The following ST8SIA5 variants were observed in gnomAD, a reference collection of about 807,000 sequenced individuals.
The protein encoded by ST8SIA5 is alpha-2,8-sialyltransferase 8E.
A neutral mutation model predicts 40.2 loss-of-function variants in ST8SIA5; 24 were observed. That is an observed-to-expected ratio of 0.60 (90% confidence interval 0.43 to 0.84). The LOEUF (loss-of-function observed/expected upper bound fraction) is 0.84, where lower values mean the gene tolerates loss of function less well. Ranked by LOEUF, ST8SIA5 falls within the 40% of genes least tolerant of loss-of-function variation. The probability of loss-of-function intolerance (pLI) is 0.00; values close to 1 mark genes in which losing one functional copy is unlikely to be tolerated. For synonymous variants in ST8SIA5, 198 were observed against 201.8 expected (o/e 0.98, Z 0.16); for missense variants, 465 against 498.5 (o/e 0.93, Z 0.64).
intron 3 of ST8SIA5, among the ~76,000 whole-genome samples, chr18:46,691,252 A>C (rs1228645908): frequency 3.3e-5 from 5 of 152,216 alleles, no homozygotes; most frequent in Non-Finnish European, 7.3e-5. Context: ...TTATCACTTT[A>C]AACATTCGCA....
intron 2 of ST8SIA5, among the ~76,000 whole-genome samples, chr18:46,703,370 G>T (rs1011545537): frequency 2.0e-5 from 3 of 152,202 alleles, no homozygotes; most frequent in East Asian, 1.9e-4. Context: ...GGATGGTCTC[G>T]ATCTCCTGAC....
intron 1 of ST8SIA5, among the ~76,000 whole-genome samples, chr18:46,727,071 A>G (rs1030627179): frequency 4.6e-5 from 7 of 152,214 alleles, no homozygotes; most frequent in Admixed American, 3.9e-4. Context: ...AATTGAACAC[A>G]GCCCTGAACC....
At position 46,672,908 on chromosome 18, in the gene ST8SIA5, C is replaced by T. The variant is rs2039317605; in HGVS notation, c.*7134G>A. ...AACAGTTAATGTCATTTGAGAGCTG[C>T]TTGCACCTAAGTGATTCTAAAAAGT... On this transcript the variant is annotated 3_prime_UTR_variant, in exon 7 of 7. Transcript: ENST00000315087. The T allele has an allele frequency of 6.6e-6, 1 of 152,206 alleles. No individual in the cohort carries two copies. The highest frequency in any genetic ancestry group is 2.4e-5 in the African/African-American group (1 of 41,446). The allele number at this position is 152,206 out of a possible 1,614,324, so 9.4% of individuals were successfully genotyped here. A position where few individuals can be genotyped will look rare whatever the true frequency, so the allele number is the denominator to read the frequency against.
At position 46,677,167 on chromosome 18, in the gene ST8SIA5, C is replaced by G. The variant is rs1252170507; in HGVS notation, c.*2875G>C. Reference sequence around the variant, plus strand: ...GATGACAGCCTCCTAGAGCATTTGTCCCTGGAGGAGGGCCCCGTACTATCC... The same window carrying G: ...GATGACAGCCTCCTAGAGCATTTGTGCCTGGAGGAGGGCCCCGTACTATCC... On this transcript the variant is annotated 3_prime_UTR_variant, in exon 7 of 7. Coordinates refer to ENST00000315087, the MANE Select transcript of ST8SIA5 (RefSeq NM_013305.6). The G allele has an allele frequency of 6.6e-6, 1 of 152,222 alleles. No individual in the cohort carries two copies. Among genetic ancestry groups the G allele is most frequent in the African/African-American group, 2.4e-5 (1 of 41,434 alleles). 9.4% of individuals were successfully genotyped at this position (152,222 alleles called of 1,614,324 possible). A position where few individuals can be genotyped will look rare whatever the true frequency, so the allele number is the denominator to read the frequency against.
chr18:46,693,505 C>T (rs750027719), intron 2 of ST8SIA5, among the ~76,000 whole-genome samples: 1 of 152,236 alleles, frequency 6.6e-6, no homozygotes, highest in African/African-American at 2.4e-5. Context: ...AAAGCACTCT[C>T]AGGAAAGGGA....
At chr18:46,727,335 G>T (rs2039941193) in intron 1 of ST8SIA5, among the ~76,000 whole-genome samples, 1 of 152,088 alleles carries the variant, frequency 6.6e-6, no homozygotes, top group Non-Finnish European at 1.5e-5. Context: ...CAGGTCCCTG[G>T]TTGTGTAACC....
intron 1 of ST8SIA5, among the ~76,000 whole-genome samples, chr18:46,708,913 C>T (rs1328653226): frequency 6.6e-6 from 1 of 152,206 alleles, no homozygotes; most frequent in Non-Finnish European, 1.5e-5. Context: ...AAATCCCAGG[C>T]ACCCTGAAAA....
intron 2 of ST8SIA5, among the ~76,000 whole-genome samples, chr18:46,699,668 C>T (rs1459925899): frequency 6.6e-6 from 1 of 152,198 alleles, no homozygotes; most frequent in South Asian, 2.1e-4. Flanking sequence ...CATGAGCCAC[C>T]GCGCCCAGCC....
At chr18:46,716,906 G>C (rs1044882239) in intron 1 of ST8SIA5, among the ~76,000 whole-genome samples, 18 of 152,240 alleles carry the variant, frequency 1.2e-4, no homozygotes, top group African/African-American at 4.1e-4. Context: ...CTGGAGGGAG[G>C]ACAAGGACCT....
At position 46,728,487 on chromosome 18, in the gene ST8SIA5, A is replaced by G. The variant is rs541390317; in HGVS notation, c.132-23823T>C. Among the ~76,000 whole-genome samples the G allele has an allele frequency of 6.2e-4, 95 of 152,336 alleles. 3 individuals are homozygous for G. The South Asian group carries it at 0.014, about 23-fold the overall frequency. ...CTGGAATCTCCAGGGTGGTTGAACC[A>G]AAAGAGGCTGAATCTATGGGGCACA... On this transcript the variant is annotated intron_variant, in intron 1 of 6. Coordinates refer to ENST00000315087, the MANE Select transcript of ST8SIA5 (RefSeq NM_013305.6).
chr18:46,738,649 C>T (rs1398590783), intron 1 of ST8SIA5, among the ~76,000 whole-genome samples: 2 of 152,146 alleles, frequency 1.3e-5, no homozygotes, highest in African/African-American at 4.8e-5. Context: ...GCAGTCAGAG[C>T]AGCATCCCTT....
At chr18:46,738,894 C>T (rs1399287229) in intron 1 of ST8SIA5, among the ~76,000 whole-genome samples, 1 of 152,162 alleles carries the variant, frequency 6.6e-6, no homozygotes. Flanking sequence ...AAGTCTCAGG[C>T]CTGCACTAGC....
intron 1 of ST8SIA5, among the ~76,000 whole-genome samples, chr18:46,743,394 T>C (rs1480276187): frequency 6.6e-6 from 1 of 152,170 alleles, no homozygotes; most frequent in Non-Finnish European, 1.5e-5. Flanking sequence ...CTGAAAACTA[T>C]GGTACAAGAA....
intron 1 of ST8SIA5, among the ~76,000 whole-genome samples, chr18:46,725,025 AAGGAAGGAAGGAAGGAAGG>A (rs2039901661): frequency 6.7e-6 from 1 of 149,836 alleles, no homozygotes; most frequent in African/African-American, 2.5e-5. Flanking sequence ...GGAAGGAAGG[AAGGAAGGAAGGAAGGAAGG>A]AAGGAAAAGA....
At chr18:46,683,624 C>G (rs561834632) in intron 5 of ST8SIA5, among the ~76,000 whole-genome samples, 1 of 152,076 alleles carries the variant, frequency 6.6e-6, no homozygotes, top group East Asian at 1.9e-4. Flanking sequence ...AATAATTGTG[C>G]AGAAGAACCC....
intron 1 of ST8SIA5, among the ~76,000 whole-genome samples, chr18:46,744,675 G>A (rs2040121365): frequency 6.6e-6 from 1 of 152,086 alleles, no homozygotes; most frequent in Non-Finnish European, 1.5e-5. Flanking sequence ...AGTTTAACAA[G>A]GATATCCAGG....
At chr18:46,701,382 C>T (rs2039614676) in intron 2 of ST8SIA5, among the ~76,000 whole-genome samples, 1 of 151,938 alleles carries the variant, frequency 6.6e-6, no homozygotes, top group Non-Finnish European at 1.5e-5. Flanking sequence ...CTCAGGTGAT[C>T]CACCTGCCTC....
At chr18:46,687,590 C>T (rs980193403) in intron 4 of ST8SIA5, among the ~76,000 whole-genome samples, 1 of 152,172 alleles carries the variant, frequency 6.6e-6, no homozygotes, top group East Asian at 1.9e-4. Context: ...TGGCTCAGCA[C>T]CATCCTCCCT....
intron 1 of ST8SIA5, among the ~76,000 whole-genome samples, chr18:46,735,554 G>A (rs1007165122): frequency 3.9e-5 from 6 of 152,196 alleles, no homozygotes; most frequent in African/African-American, 1.4e-4. Context: ...TTGGTGAAAT[G>A]AGAATTGATG....
Sources: gnomAD v4.1 joint callset for allele counts (sites outside exome capture counted in the v4.1 genomes callset) on GRCh38, gnomAD v4.1.1 for gene constraint, MANE v1.5 for transcripts, NCBI Gene and HGNC (gene_info 2026-07-23, HGNC 2026-07-21) for gene names.